Variants in LGR4 observed in about 807,000 individuals in gnomAD.
LGR4 encodes the protein leucine-rich repeat-containing G protein-coupled receptor 4.
LGR4 carries 44 observed loss-of-function variants against 84.8 expected under a neutral mutation model. The observed-to-expected ratio is 0.52, with a 90% CI of 0.41 to 0.67. The LOEUF (loss-of-function observed/expected upper bound fraction) is 0.67, where lower values mean the gene tolerates loss of function less well. Ranked by LOEUF, LGR4 falls within the 30% of genes least tolerant of loss-of-function variation. The pLI, the probability that LGR4 is intolerant of heterozygous loss-of-function variation, is 0.00. For missense variants in LGR4, 1,032 were observed against 1,131.4 expected (o/e 0.91, Z 1.26); for synonymous variants, 429 against 434.3 (o/e 0.99, Z 0.15).
chr11:27,382,374 T>A, intron 6 of LGR4, 118 bp from the exon 7 acceptor site: 1 of 639,624 alleles, frequency 1.6e-6, no homozygotes, highest in Non-Finnish European at 2.7e-6. Flanking sequence ...AATCTTTCTT[T>A]ATCAACCATA....
intron 1 of LGR4, among the ~76,000 whole-genome samples, chr11:27,425,965 C>A (rs780558801): frequency 5.9e-5 from 9 of 152,194 alleles, no homozygotes; most frequent in Non-Finnish European, 1.2e-4. Flanking sequence ...CTATTATATG[C>A]CAAGCCTCTA....
At chr11:27,436,638 A>C (rs1405460360) in intron 1 of LGR4, among the ~76,000 whole-genome samples, 1 of 152,142 alleles carries the variant, frequency 6.6e-6, no homozygotes, top group Non-Finnish European at 1.5e-5. Context: ...AAAGAACAAA[A>C]TCCCAGGAAA....
chr11:27,419,278 T>G (rs1049675229), intron 1 of LGR4, among the ~76,000 whole-genome samples: 3 of 151,986 alleles, frequency 2.0e-5, no homozygotes, highest in African/African-American at 7.2e-5. Context: ...CTTCACCAAA[T>G]AAGATACACA....
chr11:27,433,836 G>A (rs900133880), intron 1 of LGR4, among the ~76,000 whole-genome samples: 7 of 152,060 alleles, frequency 4.6e-5, no homozygotes, highest in Non-Finnish European at 7.4e-5. Flanking sequence ...AATTCCCATG[G>A]GCCACAGCCA....
intron 2 of LGR4, among the ~76,000 whole-genome samples, chr11:27,406,141 G>T (rs1863604035): frequency 6.6e-6 from 1 of 151,994 alleles, no homozygotes; most frequent in Non-Finnish European, 1.5e-5. Context: ...ATGTCCTCTT[G>T]AATAACTCCC....
At position 27,472,638 on chromosome 11, in the gene LGR4, C is replaced by T; in HGVS notation, c.-336G>A. 2.8e-6 allele frequency: 1 copy of T among 357,502 alleles called. No homozygotes were observed. The allele number at this position is 357,502 out of a possible 1,614,324, so 22.1% of individuals were successfully genotyped here. On this transcript the variant is annotated 5_prime_UTR_variant, in exon 1 of 18. Transcript: ENST00000379214. ...TCCCTGGCCTCTCAATGCAGCGGCT[C>T]TTCAAGGTTGCAGAGCGCAGCCTTC...
At chr11:27,428,139 C>CTT (rs1047115952) in intron 1 of LGR4, among the ~76,000 whole-genome samples, 3 of 145,500 alleles carry the variant, frequency 2.1e-5, no homozygotes, top group African/African-American at 7.5e-5. Context: ...ATCTTGCATT[C>CTT]TTTTTTTTTT....
chr11:27,396,069 T>C (rs1428119087), intron 2 of LGR4, among the ~76,000 whole-genome samples: 1 of 152,174 alleles, frequency 6.6e-6, no homozygotes, highest in Non-Finnish European at 1.5e-5. Flanking sequence ...TCAAGACAAC[T>C]GCCCTGCTTT....
intron 4 of LGR4, among the ~76,000 whole-genome samples, chr11:27,390,132 A>G (rs1051076992): frequency 7.2e-5 from 11 of 152,302 alleles, no homozygotes; most frequent in African/African-American, 2.6e-4. Flanking sequence ...CCTATAATTT[A>G]TAATTTCCAG....
intron 7 of LGR4, among the ~76,000 whole-genome samples, 191 bp downstream of exon 7, chr11:27,381,997 C>T (rs1266966582): frequency 6.6e-6 from 1 of 152,184 alleles, no homozygotes; most frequent in Non-Finnish European, 1.5e-5. Context: ...GCATCTAACC[C>T]TATACATCAA....
In LGR4 at chr11:27,367,937, G is replaced by A. The variant is rs752281610; in HGVS notation, c.2786C>T (p.Ala929Val). Residue 929 changes from alanine to valine, a missense_variant, in exon 18 of 18, where the codon GCC becomes GTC. Physicochemically the swap from Ala to Val is moderately conservative, Grantham distance 64 (BLOSUM62 0). Transcript: ENST00000379214. ...GAATCCTCTACTCTGGTAGAAGCAGGCTCGTCCACAGGCCTGCACCTGGTC... is the reference window on the plus strand; with the variant it reads ...GAATCCTCTACTCTGGTAGAAGCAGACTCGTCCACAGGCCTGCACCTGGTC... Reference protein sequence around the residue: ...SSDQVQACGRACFYQSRGFPL... With the variant: ...SSDQVQACGRVCFYQSRGFPL... The A allele has an allele frequency of 5.0e-6, 8 of 1,613,288 alleles. No homozygotes were observed. The highest frequency in any genetic ancestry group is 2.2e-5 in the South Asian group (2 of 90,940).
At chr11:27,433,603 T>C (rs1195220943) in intron 1 of LGR4, among the ~76,000 whole-genome samples, 1 of 152,142 alleles carries the variant, frequency 6.6e-6, no homozygotes, top group Non-Finnish European at 1.5e-5. Flanking sequence ...CCTGTGAATG[T>C]TTCTCCTATA....
chr11:27,459,777 C>G (rs1864648991), intron 1 of LGR4, among the ~76,000 whole-genome samples: 1 of 151,446 alleles, frequency 6.6e-6, no homozygotes, highest in Non-Finnish European at 1.5e-5. Context: ...ACCTGGCTAG[C>G]AAATTCTTTT....
chr11:27,431,050 T>C (rs1337122130), intron 1 of LGR4, among the ~76,000 whole-genome samples: 1 of 152,172 alleles, frequency 6.6e-6, no homozygotes, highest in Non-Finnish European at 1.5e-5. Context: ...CAGTCTCTTC[T>C]TAGCCCCCCT....
rs546347200 is a variant in LGR4 at position 27,406,078 on chromosome 11, T to A, written c.257+6711A>T. Among the ~76,000 whole-genome samples, 3 of 152,274 alleles carry A rather than the reference T, an allele frequency of 2.0e-5. No homozygotes were observed. The East Asian group carries it at 5.8e-4, about 29-fold the overall frequency. On this transcript the variant is annotated intron_variant, in intron 2 of 17. Transcript: ENST00000379214. ...AACCAAACCAACCATTTTTACCACC[T>A]ATCCCAGTCTGTGTCCCCATCTTTG...
At chr11:27,468,890 C>T (rs1864824093) in intron 1 of LGR4, among the ~76,000 whole-genome samples, 1 of 152,136 alleles carries the variant, frequency 6.6e-6, no homozygotes, top group South Asian at 2.1e-4. Context: ...CTACGTTTCT[C>T]AAACACCGTA....
intron 15 of LGR4, chr11:27,373,229 T>G (rs1399416800): frequency 1.7e-5 from 3 of 178,948 alleles, no homozygotes. Flanking sequence ...TGAAGTATTA[T>G]AGCATTGTTT....
In LGR4 at chr11:27,385,434, C is replaced by T. The variant is rs769421305; in HGVS notation, c.436G>A (p.Glu146Lys). 16 of 1,609,616 alleles carry T rather than the reference C, an allele frequency of 9.9e-6. No homozygotes were observed. Among genetic ancestry groups the T allele is most frequent in the East Asian group, 8.9e-5 (4 of 44,756 alleles). Residue 146 changes from glutamate (E) to lysine (K), a missense_variant, in exon 5 of 18, where the codon GAG becomes AAG. Glu to Lys is a moderately conservative substitution (Grantham distance 56). Coordinates refer to ENST00000379214, the MANE Select transcript of LGR4 (RefSeq NM_018490.5). ...TGAACAAGTCCTTCAAAACTGTCCTCGGGGACTGAGGTAATATGGTTGGCA... is the reference window on the plus strand; with the variant it reads ...TGAACAAGTCCTTCAAAACTGTCCTTGGGGACTGAGGTAATATGGTTGGCA... Reference protein sequence around the residue: ...LDANHITSVPEDSFEGLVQLR... With the variant: ...LDANHITSVPKDSFEGLVQLR...
chr11:27,413,685 T>A (rs1863755071), intron 1 of LGR4, among the ~76,000 whole-genome samples: 1 of 152,114 alleles, frequency 6.6e-6, no homozygotes, highest in Non-Finnish European at 1.5e-5. Context: ...TGTTTAATTC[T>A]GTGGCTGAGC....
Sources: gnomAD v4.1 joint callset for allele counts (sites outside exome capture counted in the v4.1 genomes callset) on GRCh38, gnomAD v4.1.1 for gene constraint, MANE v1.5 for transcripts, NCBI Gene and HGNC (gene_info 2026-07-23, HGNC 2026-07-21) for gene names.